Variants in OR1I1 observed in about 807,000 individuals in gnomAD.
OR1I1 encodes the protein olfactory receptor family 1 subfamily I member 1, also known as olfactory receptor 1I1.
For synonymous variants in OR1I1, 171 were observed against 181.4 expected, an observed-to-expected ratio of 0.94 and a Z score of 0.46; for missense variants, 451 against 443.6, an observed-to-expected ratio of 1.02 and a Z score of -0.15.
rs138375056 is a variant in OR1I1 at position 15,086,143 on chromosome 19, G to A, written c.-13-910G>A. Among the ~76,000 whole-genome samples the A allele has an allele frequency of 2.4e-4, 36 of 152,076 alleles. No homozygotes were observed. The East Asian group carries it at 5.5e-3, about 23-fold the overall frequency. On this transcript the variant is annotated intron_variant, in intron 1 of 1. Transcript: ENST00000641398. ...AGCCTGGCCAACATGGTGAAAGCCC[G>A]TCTATACTAAAAATACAAAAATTAG...
rs1250670979 is a variant in OR1I1 at position 15,091,951 on chromosome 19, C to G, written c.*3818C>G. The G allele has an allele frequency of 6.6e-6, 1 of 151,544 alleles. No homozygotes were observed. The highest frequency in any genetic ancestry group is 1.5e-5 in the Non-Finnish European group (1 of 67,970). The allele number at this position is 151,544 out of a possible 1,614,324, so 9.4% of individuals were successfully genotyped here. ...CTTTAGGTACAGAGATACAGGAGAACCAGATTTGGGGTGCCGCTCTAGCCA... is the reference window on the plus strand; with the variant it reads ...CTTTAGGTACAGAGATACAGGAGAAGCAGATTTGGGGTGCCGCTCTAGCCA... On this transcript the variant is annotated 3_prime_UTR_variant, in exon 2 of 2. Transcript: ENST00000641398.
intron 1 of OR1I1, among the ~76,000 whole-genome samples, chr19:15,083,276 G>T (rs553343751): frequency 6.0e-4 from 92 of 152,152 alleles, no homozygotes; most frequent in African/African-American, 2.2e-3. Flanking sequence ...GGGCGGGATT[G>T]GGGGTGGGGT....
intron 1 of OR1I1, among the ~76,000 whole-genome samples, chr19:15,085,165 TA>T (rs1568321886): frequency 0.12 from 5,336 of 45,852 alleles, 826 homozygotes; most frequent in Non-Finnish European, 0.14. Context: ...TATATATATA[TA>T]TATATATATA....
At position 15,087,440 on chromosome 19, in the gene OR1I1, CA is replaced by C. The variant is rs1429619946; in HGVS notation, c.376del (p.Ile126LeufsTer25). 1 of 1,614,114 alleles carries C rather than the reference CA, an allele frequency of 6.2e-7. No individual in the cohort carries two copies. Among genetic ancestry groups the C allele is most frequent in the East Asian group, 2.2e-5 (1 of 44,874 alleles). On this transcript the variant is annotated frameshift_variant, in exon 2 of 2. Transcript: ENST00000641398. LOFTEE classifies it low-confidence loss of function (END_TRUNC). ...AVMAIDRFVA[I>X]VHPQRYLVLM... ...TAATGGCCATCGACCGCTTCGTGGC[CA>C]TTGTCCACCCACAGCGTTACTTGGT...
Position 15,091,672 on chromosome 19 carries a change from A to G in OR1I1, c.*3539A>G, listed in dbSNP as rs2046256915. ...AGACTCCTCCTCAATTTAAAAAAAA[A>G]TACAAAACTTAGCCAGGCGTGGTGG... is the stretch of plus-strand genomic sequence containing the variant. On this transcript the variant is annotated 3_prime_UTR_variant, in exon 2 of 2. Transcript: ENST00000641398. 1 of 148,364 alleles carries G rather than the reference A, an allele frequency of 6.7e-6. No individual in the cohort carries two copies. Among genetic ancestry groups the G allele is most frequent in the African/African-American group, 2.5e-5 (1 of 39,390 alleles). 9.2% of individuals were successfully genotyped at this position (148,364 alleles called of 1,614,324 possible). A position where few individuals can be genotyped will look rare whatever the true frequency, so the allele number is the denominator to read the frequency against.
rs772353712 is a variant in OR1I1, at chr19:15,087,958, A to C, written c.893A>C (p.Lys298Thr). ...TACAGCATACGGAACAAGGATATGA[A>C]GGCAGCCCTGGGGAAGCTCATCGGC... ...FIYSIRNKDMKAALGKLIGKV... is the reference protein window; with the variant it reads ...FIYSIRNKDMTAALGKLIGKV... The change falls in exon 2 of 2, where the codon AAG (lysine) becomes ACG (threonine). Residue 298 changes from lysine to threonine, a missense_variant. By Grantham distance (78) the Lys-to-Thr change is moderately conservative (BLOSUM62 -1). Transcript: ENST00000641398. The C allele has an allele frequency of 3.1e-6, 5 of 1,614,180 alleles. No individual in the cohort carries two copies. Among genetic ancestry groups the C allele is most frequent in the Non-Finnish European group, 4.2e-6 (5 of 1,180,038 alleles).
intron 1 of OR1I1, among the ~76,000 whole-genome samples, chr19:15,083,660 C>T (rs1220713631): frequency 2.6e-5 from 4 of 152,204 alleles, no homozygotes; most frequent in Admixed American, 2.0e-4. Context: ...TGCTGCTAAC[C>T]TTCCTAAAAA....
At position 15,087,060 on chromosome 19, in the gene OR1I1, C is replaced by A; in HGVS notation, c.-6C>A. The A allele has an allele frequency of 6.2e-7, 1 of 1,604,948 alleles. No homozygotes were observed. The highest frequency in any genetic ancestry group is 2.2e-5 in the East Asian group (1 of 44,838). On this transcript the variant is annotated 5_prime_UTR_variant, in exon 2 of 2. Transcript: ENST00000641398. ...CCTTTTTGTTCCCACTAGTCACAGA[C>A]CATACATGGAACCAGAAAAGCAAAC...
At position 15,091,952 on chromosome 19, in the gene OR1I1, C is replaced by A. The variant is rs1203964481; in HGVS notation, c.*3819C>A. On this transcript the variant is annotated 3_prime_UTR_variant, in exon 2 of 2. Transcript: ENST00000641398. ...TTTAGGTACAGAGATACAGGAGAACCAGATTTGGGGTGCCGCTCTAGCCAC... is the reference window on the plus strand; with the variant it reads ...TTTAGGTACAGAGATACAGGAGAACAAGATTTGGGGTGCCGCTCTAGCCAC... 6.6e-6 allele frequency: 1 copy of A among 151,754 alleles called. No homozygotes were observed. Among genetic ancestry groups the A allele is most frequent in the Non-Finnish European group, 1.5e-5 (1 of 68,004 alleles). 9.4% of individuals were successfully genotyped at this position (151,754 alleles called of 1,614,324 possible).
rs1376120142 is a variant in OR1I1, at chr19:15,091,970, C to T, written c.*3837C>T. 2.6e-5 allele frequency: 4 copies of T among 151,582 alleles called. No individual in the cohort carries two copies. The highest frequency in any genetic ancestry group is 5.9e-5 in the Non-Finnish European group (4 of 68,000). The allele number at this position is 151,582 out of a possible 1,614,324, so 9.4% of individuals were successfully genotyped here. ...GGAGAACCAGATTTGGGGTGCCGCT[C>T]TAGCCACTGTGTCCAGGAGGGAACC... On this transcript the variant is annotated 3_prime_UTR_variant, in exon 2 of 2. Coordinates refer to ENST00000641398, the MANE Select transcript of OR1I1 (RefSeq NM_001004713.2).
rs1331966685 is a variant in OR1I1 at position 15,087,463 on chromosome 19, T to C, written c.398T>C (p.Leu133Ser). Reference protein sequence around the residue: ...FVAIVHPQRYLVLMCSPVCGL... With the variant: ...FVAIVHPQRYSVLMCSPVCGL... ...GCCATTGTCCACCCACAGCGTTACT[T>C]GGTTCTCATGTGCTCCCCTGTCTGT... The change falls in exon 2 of 2, where the codon TTG (leucine) becomes TCG (serine). Residue 133 changes from leucine (L) to serine (S), a missense_variant. Transcript: ENST00000641398. 6.2e-7 allele frequency: 1 copy of C among 1,614,132 alleles called. No individual in the cohort carries two copies.
chr19:15,085,165 TATATA>T (rs1343490481), intron 1 of OR1I1, among the ~76,000 whole-genome samples: 772 of 45,874 alleles, frequency 0.017, 87 homozygotes, highest in Non-Finnish European at 0.02. Flanking sequence ...TATATATATA[TATATA>T]TATATATTTT....
Position 15,087,661 on chromosome 19 carries a change from T to C in OR1I1, c.596T>C (p.Ile199Thr), listed in dbSNP as rs771013369. The stretch of plus-strand genomic sequence containing the variant: ...GACACGCACACCAACGAGCTGGTGA[T>C]CTTTGCTTTTGGCATTGTCGTGGGC... ...GSDTHTNELV[I>T]FAFGIVVGTS... The change falls in exon 2 of 2, where the codon ATC (isoleucine) becomes ACC (threonine). Residue 199 changes from isoleucine (I) to threonine (T), a missense_variant. Transcript: ENST00000641398. 1.2e-6 allele frequency: 2 copies of C among 1,614,068 alleles called. No homozygotes were observed. Among genetic ancestry groups the C allele is most frequent in the African/African-American group, 2.7e-5 (2 of 74,940 alleles).
chr19:15,083,819 C>T (rs2046218555), intron 1 of OR1I1, among the ~76,000 whole-genome samples: 1 of 152,102 alleles, frequency 6.6e-6, no homozygotes, highest in South Asian at 2.1e-4. Flanking sequence ...GAAACCCCGT[C>T]TCTACTAAAA....
In OR1I1 at chr19:15,088,725, TAGAG is replaced by T. The variant is rs1437385727; in HGVS notation, c.*595_*598del. ...ATAGATAGATAGACAGACAGATAGA[TAGAG>T]AGGATAAGATAAGATAGGTAGATAG... is the stretch of plus-strand genomic sequence containing the variant. On this transcript the variant is annotated 3_prime_UTR_variant, in exon 2 of 2. Coordinates refer to ENST00000641398, the MANE Select transcript of OR1I1 (RefSeq NM_001004713.2). 3 of 129,420 alleles carry T rather than the reference TAGAG, an allele frequency of 2.3e-5. No individual in the cohort carries two copies. The highest frequency in any genetic ancestry group is 1.6e-4 in the Admixed American group (2 of 12,462). 8.0% of individuals were successfully genotyped at this position (129,420 alleles called of 1,614,324 possible).
At chr19:15,085,665 C>G (rs941171447) in intron 1 of OR1I1, among the ~76,000 whole-genome samples, 4 of 152,002 alleles carry the variant, frequency 2.6e-5, no homozygotes, top group African/African-American at 9.7e-5. Flanking sequence ...ATTTTGTATT[C>G]TTTGATCAAT....
Position 15,087,426 on chromosome 19 carries a change from G to A in OR1I1, c.361G>A (p.Asp121Asn), listed in dbSNP as rs776008243. 13 of 1,613,890 alleles carry A rather than the reference G, an allele frequency of 8.1e-6. No individual in the cohort carries two copies. Among genetic ancestry groups the A allele is most frequent in the Admixed American group, 6.7e-5 (4 of 59,990 alleles). ...DSFLLAVMAI[D>N]RFVAIVHPQR... ...CTTTCTCCTGGCAGTAATGGCCATC[G>A]ACCGCTTCGTGGCCATTGTCCACCC... The change falls in exon 2 of 2, where the codon GAC becomes AAC. Residue 121 changes from aspartate (D) to asparagine (N), a missense_variant. Coordinates refer to ENST00000641398, the MANE Select transcript of OR1I1 (RefSeq NM_001004713.2).
Position 15,085,163 on chromosome 19 carries a change from TATA to T in OR1I1, c.-13-1889_-13-1887del, listed in dbSNP as rs2046224763. The stretch of plus-strand genomic sequence containing the variant: ...ATATATATATATATATATATATATA[TATA>T]TATATATATATTTTTTTTTTTGAGA... On this transcript the variant is annotated intron_variant, in intron 1 of 1. Coordinates refer to ENST00000641398, the MANE Select transcript of OR1I1 (RefSeq NM_001004713.2). Among the ~76,000 whole-genome samples the T allele has an allele frequency of 6.1e-4, 30 of 49,044 alleles. 2 individuals are homozygous for T. Among genetic ancestry groups the T allele is most frequent in the African/African-American group, 7.9e-4 (6 of 7,576 alleles). The allele number at this position is 49,044 out of a possible 152,430, so 32.2% of individuals were successfully genotyped here. A position where few individuals can be genotyped will look rare whatever the true frequency, so the allele number is the denominator to read the frequency against.
Position 15,091,419 on chromosome 19 carries a change from G to C in OR1I1, c.*3286G>C, listed in dbSNP as rs905967031. On this transcript the variant is annotated 3_prime_UTR_variant, in exon 2 of 2. Transcript: ENST00000641398. ...TCATGCCTGTAATCCCAGAACTTTGGGAGGCTGAGGTGGGCGGATCATGAG... is the reference window on the plus strand; with the variant it reads ...TCATGCCTGTAATCCCAGAACTTTGCGAGGCTGAGGTGGGCGGATCATGAG... 1 of 152,144 alleles carries C rather than the reference G, an allele frequency of 6.6e-6. No individual in the cohort carries two copies. Among genetic ancestry groups the C allele is most frequent in the African/African-American group, 2.4e-5 (1 of 41,414 alleles). 9.4% of individuals were successfully genotyped at this position (152,144 alleles called of 1,614,324 possible). A position where few individuals can be genotyped will look rare whatever the true frequency, so the allele number is the denominator to read the frequency against.
Sources: gnomAD v4.1 joint callset for allele counts (sites outside exome capture counted in the v4.1 genomes callset) on GRCh38, gnomAD v4.1.1 for gene constraint, MANE v1.5 for transcripts, NCBI Gene and HGNC (gene_info 2026-07-23, HGNC 2026-07-21) for gene names.